Variants in MCPH1 observed in about 807,000 individuals in gnomAD.
MCPH1 encodes the protein microcephalin 1, also known as microcephalin.
MCPH1 carries 104 observed loss-of-function variants against 84.5 expected under a neutral mutation model. The ratio of observed to expected loss-of-function variants is 1.23; its 90% CI spans 1.05 to 1.45. MCPH1 has a LOEUF of 1.45. Ranked by LOEUF, MCPH1 falls within the 40% of genes most tolerant of loss-of-function variation. The probability of loss-of-function intolerance (pLI) is 0.00; values close to 1 mark genes in which losing one functional copy is unlikely to be tolerated. For synonymous variants in MCPH1, 514 were observed against 366.8 expected (o/e 1.40, Z -4.58); for missense variants, 1,498 against 1,005.7 (o/e 1.49, Z -6.62).
At chr8:6,596,296 C>A (rs1828920084) in intron 12 of MCPH1, among the ~76,000 whole-genome samples, 1 of 152,178 alleles carries the variant, frequency 6.6e-6, no homozygotes, top group Non-Finnish European at 1.5e-5. Context: ...GGGAGGGGTG[C>A]AGTGAGCTCT....
intron 3 of MCPH1, among the ~76,000 whole-genome samples, chr8:6,420,880 C>CAAAAG (rs1469480141): frequency 6.6e-6 from 1 of 152,050 alleles, no homozygotes; most frequent in Admixed American, 6.5e-5. Context: ...GAGCATAAGG[C>CAAAAG]AAAAGAAGAG....
intron 12 of MCPH1, among the ~76,000 whole-genome samples, chr8:6,562,062 G>A (rs1245044527): frequency 1.3e-5 from 2 of 152,236 alleles, no homozygotes; most frequent in Non-Finnish European, 2.9e-5. Flanking sequence ...CAAGCCCTTA[G>A]TGGTAGGGCC....
intron 13 of MCPH1, among the ~76,000 whole-genome samples, chr8:6,629,381 G>A (rs565311984): frequency 7.9e-5 from 12 of 152,318 alleles, no homozygotes; most frequent in African/African-American, 2.6e-4. Context: ...AGAATCCCTT[G>A]AACACAAGAG....
rs916655910 is a variant in MCPH1, at chr8:6,647,301, C to G, written c.*4252C>G. ...AACATCTGACCAAGATATGGAGAAA[C>G]TAGAACTCTCCTACATTGCTGGCAT... On this transcript the variant is annotated 3_prime_UTR_variant, in exon 14 of 14. Coordinates refer to ENST00000344683, the MANE Select transcript of MCPH1 (RefSeq NM_024596.5). 7 of 152,170 alleles carry G rather than the reference C, an allele frequency of 4.6e-5. No individual in the cohort carries two copies. The highest frequency in any genetic ancestry group is 1.4e-4 in the African/African-American group (6 of 41,440). 9.4% of individuals were successfully genotyped at this position (152,170 alleles called of 1,614,324 possible).
intron 12 of MCPH1, among the ~76,000 whole-genome samples, chr8:6,615,417 C>T (rs538501502): frequency 1.3e-5 from 2 of 152,336 alleles, no homozygotes; most frequent in South Asian, 2.1e-4. Context: ...AATGAGTTCA[C>T]TTAACGACAC....
At chr8:6,447,491 C>G in intron 8 of MCPH1, 1 of 806,314 alleles carries the variant, frequency 1.2e-6, no homozygotes, top group Non-Finnish European at 1.5e-6. Flanking sequence ...TTACAAAGAG[C>G]TTCAATACGC....
chr8:6,432,250 G>A (rs1470173370), intron 4 of MCPH1, among the ~76,000 whole-genome samples: 1 of 152,222 alleles, frequency 6.6e-6, no homozygotes, highest in African/African-American at 2.4e-5. Context: ...ACAGGCGTGA[G>A]CCACTGCACC....
chr8:6,471,497 C>A (rs79412898), intron 9 of MCPH1, among the ~76,000 whole-genome samples: 2,838 of 152,156 alleles, frequency 0.019, 94 homozygotes, highest in African/African-American at 0.066. Flanking sequence ...AAAGCACAGT[C>A]GACTGAATTG....
intron 12 of MCPH1, chr8:6,502,555 C>G (rs761518738): frequency 6.6e-6 from 1 of 152,212 alleles, no homozygotes; most frequent in Admixed American, 6.5e-5. Flanking sequence ...AATGCACTAA[C>G]TGTTTTTCCA....
chr8:6,596,427 AG>A (rs1828930225), intron 12 of MCPH1, among the ~76,000 whole-genome samples: 1 of 152,216 alleles, frequency 6.6e-6, no homozygotes, highest in Admixed American at 6.5e-5. Context: ...TAAGGGAAGT[AG>A]CCCCATCTGT....
intron 12 of MCPH1, chr8:6,532,225 T>C: frequency 2.4e-6 from 3 of 1,264,934 alleles, no homozygotes; most frequent in Middle Eastern, 2.0e-4. Context: ...TCTCCTGTGG[T>C]GGTGCTTTCT....
At chr8:6,523,964 G>A (rs1248192326) in intron 12 of MCPH1, among the ~76,000 whole-genome samples, 2 of 151,526 alleles carry the variant, frequency 1.3e-5, no homozygotes, top group Non-Finnish European at 1.5e-5. Context: ...CACCTAAAGA[G>A]GCTTTCTGTG....
intron 13 of MCPH1, among the ~76,000 whole-genome samples, chr8:6,629,998 GTTTGGAGCAA>G: frequency 6.6e-6 from 1 of 152,302 alleles, no homozygotes; most frequent in Middle Eastern, 3.4e-3. Flanking sequence ...AACTTCCCCA[GTTTGGAGCAA>G]GAGAAAAAAG....
At chr8:6,440,943 A>G (rs1304086352) in intron 6 of MCPH1, among the ~76,000 whole-genome samples, 1 of 152,198 alleles carries the variant, frequency 6.6e-6, no homozygotes, top group Non-Finnish European at 1.5e-5. Flanking sequence ...GGTGTCTTTA[A>G]GAAACTAGGT....
At position 6,499,846 on chromosome 8, in the gene MCPH1, T is replaced by A. The variant is rs778325297; in HGVS notation, c.2137-6T>A. The stretch of plus-strand genomic sequence containing the variant: ...ATAATAAATCTGCTTGTTGTGTCAC[T>A]TGCAGGTGCTATGGTCTTTAGAATT... On this transcript the variant is annotated splice_polypyrimidine_tract_variant and splice_region_variant and intron_variant, in intron 11 of 13. Transcript: ENST00000344683. 1 of 1,612,622 alleles carries A rather than the reference T, an allele frequency of 6.2e-7. No individual in the cohort carries two copies. Among genetic ancestry groups the A allele is most frequent in the Non-Finnish European group, 8.5e-7 (1 of 1,179,620 alleles).
At chr8:6,534,886 C>T (rs1428468845) in intron 12 of MCPH1, among the ~76,000 whole-genome samples, 2 of 152,240 alleles carry the variant, frequency 1.3e-5, no homozygotes, top group East Asian at 1.9e-4. Flanking sequence ...AATAGCAGTT[C>T]GTAATTCTCC....
chr8:6,646,064 T>A lies in MCPH1; in HGVS notation c.*3015T>A, dbSNP rs1007558944. On this transcript the variant is annotated 3_prime_UTR_variant, in exon 14 of 14. Coordinates refer to ENST00000344683, the MANE Select transcript of MCPH1 (RefSeq NM_024596.5). Reference sequence around the variant, plus strand: ...AAGAACCTCTAGTAGACAAAACAATTTTTTTAAGAGCAAAGTTGGAGGATT... The same window carrying A: ...AAGAACCTCTAGTAGACAAAACAATATTTTTAAGAGCAAAGTTGGAGGATT... 6.6e-6 allele frequency: 1 copy of A among 152,188 alleles called. No homozygotes were observed. The highest frequency in any genetic ancestry group is 2.4e-5 in the African/African-American group (1 of 41,426). 9.4% of individuals were successfully genotyped at this position (152,188 alleles called of 1,614,324 possible). A position where few individuals can be genotyped will look rare whatever the true frequency, so the allele number is the denominator to read the frequency against.
Position 6,445,218 on chromosome 8 carries a change from T to A in MCPH1, c.1496T>A (p.Val499Glu), listed in dbSNP as rs555880804. 6.2e-7 allele frequency: 1 copy of A among 1,614,276 alleles called. No individual in the cohort carries two copies. The highest frequency in any genetic ancestry group is 1.3e-5 in the African/African-American group (1 of 75,074). The change falls in exon 8 of 14, where the codon GTG becomes GAG. Residue 499 changes from valine to glutamate, a missense_variant. Physicochemically the swap from Val to Glu is moderately radical, Grantham distance 121. Transcript: ENST00000344683. ...GAAGGCCGTGCAACTTCGAGTTGCG[T>A]GACTTCTGCCCCTGAAGAAGCCCTA... is the stretch of plus-strand genomic sequence containing the variant. ...NGEGRATSSC[V>E]TSAPEEALRC...
chr8:6,411,574 A>G (rs1279160485), intron 2 of MCPH1, among the ~76,000 whole-genome samples: 3 of 152,216 alleles, frequency 2.0e-5, no homozygotes, highest in Non-Finnish European at 1.5e-5. Context: ...GACAGTGAGA[A>G]CAAATCTTCT....
Sources: allele counts gnomAD v4.1 joint callset (sites outside exome capture counted in the v4.1 genomes callset), GRCh38; gene constraint gnomAD v4.1.1; transcripts MANE v1.5; gene names NCBI Gene and HGNC (gene_info 2026-07-23, HGNC 2026-07-21).